The following EIPR1 variants were observed in gnomAD, a reference collection of about 807,000 sequenced individuals.
EIPR1 encodes EARP and GARP complex-interacting protein 1.
EIPR1 carries 25 observed loss-of-function variants against 48.1 expected under a neutral mutation model. That is an observed-to-expected ratio of 0.52 (90% CI 0.38 to 0.73). The LOEUF is 0.73. EIPR1 is among the 30% of genes least tolerant of loss of function. The probability of loss-of-function intolerance (pLI) is 0.00; values close to 1 mark genes in which losing one functional copy is unlikely to be tolerated. For synonymous variants in EIPR1, 204 were observed against 201.9 expected, an observed-to-expected ratio of 1.01 and a Z score of -0.09; for missense variants, 415 against 506.2, an observed-to-expected ratio of 0.82 and a Z score of 1.73.
chr2:3,202,643 G>A (rs1387283410), intron 5 of EIPR1, among the ~76,000 whole-genome samples: 2 of 152,180 alleles, frequency 1.3e-5, no homozygotes, highest in African/African-American at 2.4e-5. Context: ...AGAAGGGGAA[G>A]GCCCGAAATC....
At chr2:3,351,718 T>C (rs998367356) in intron 2 of EIPR1, among the ~76,000 whole-genome samples, 4 of 152,184 alleles carry the variant, frequency 2.6e-5, no homozygotes, top group Non-Finnish European at 5.9e-5. Flanking sequence ...CATACATACA[T>C]ACACATTCGG....
intron 2 of EIPR1, among the ~76,000 whole-genome samples, chr2:3,340,776 A>G (rs1670214707): frequency 1.3e-5 from 2 of 152,320 alleles, no homozygotes; most frequent in South Asian, 4.1e-4. Flanking sequence ...TAGCCAAAGC[A>G]GCAAACAGCT....
rs199633996 is a variant in EIPR1 at position 3,257,267 on chromosome 2, G to A, written c.416+32C>T. 9.8e-5 allele frequency: 157 copies of A among 1,600,668 alleles called. No homozygotes were observed. In the African/African-American group the frequency reaches 1.8e-3, roughly 18 times the overall value. On this transcript the variant is annotated intron_variant, in intron 4 of 8. Coordinates refer to ENST00000382125, the MANE Select transcript of EIPR1 (RefSeq NM_003310.5). ...CTGCACCTGGCCAACCTGCAGGCTC[G>A]TTCTGGGCGCATGAAATATGCAAAA... is the stretch of plus-strand genomic sequence containing the variant.
chr2:3,301,864 G>C (rs10206606), intron 3 of EIPR1, among the ~76,000 whole-genome samples: 1 of 152,030 alleles, frequency 6.6e-6, no homozygotes, highest in Admixed American at 6.5e-5. Flanking sequence ...TCAGGAACAC[G>C]TGGGAATAAA....
At chr2:3,207,170 G>A (rs551435039) in intron 5 of EIPR1, among the ~76,000 whole-genome samples, 13 of 152,200 alleles carry the variant, frequency 8.5e-5, no homozygotes, top group African/African-American at 2.6e-4. Flanking sequence ...CCCACCCACC[G>A]TCCATCTACC....
chr2:3,189,198 C>T lies in EIPR1; in HGVS notation c.*136G>A. 3.2e-6 allele frequency: 3 copies of T among 931,428 alleles called. No homozygotes were observed. Among genetic ancestry groups the T allele is most frequent in the Non-Finnish European group, 4.5e-6 (3 of 660,394 alleles). The allele number at this position is 931,428 out of a possible 1,614,324, so 57.7% of individuals were successfully genotyped here. A position where few individuals can be genotyped will look rare whatever the true frequency, so the allele number is the denominator to read the frequency against. On this transcript the variant is annotated 3_prime_UTR_variant, in exon 9 of 9. Coordinates refer to ENST00000382125, the MANE Select transcript of EIPR1 (RefSeq NM_003310.5). This position sits in a 1 kb window ranked among gnomAD's most constrained non-coding sequence, Gnocchi z 4.6. ...TTCACCCCATTCATAAATGCTGCTGCTACAGGAAGGGAACAGCGGCTCTCC... is the reference window on the plus strand; with the variant it reads ...TTCACCCCATTCATAAATGCTGCTGTTACAGGAAGGGAACAGCGGCTCTCC...
rs969873342 is a variant in EIPR1 at position 3,192,400 on chromosome 2, G to A, written c.989+14C>T. 5 of 1,601,592 alleles carry A rather than the reference G, an allele frequency of 3.1e-6. No homozygotes were observed. The highest frequency in any genetic ancestry group is 4.3e-6 in the Non-Finnish European group (5 of 1,173,842). ...CTGGTACAGCGTGAGCCACTCTGCA[G>A]TGCGTGCCCTTACTTCTCTTCAGAA... is the stretch of plus-strand genomic sequence containing the variant. On this transcript the variant is annotated intron_variant, in intron 8 of 8. Transcript: ENST00000382125.
chr2:3,220,401 A>T (rs1665839045), intron 4 of EIPR1, among the ~76,000 whole-genome samples: 1 of 151,478 alleles, frequency 6.6e-6, no homozygotes, highest in African/African-American at 2.4e-5. Context: ...CAATGGCTGT[A>T]GTACATTCTA....
chr2:3,311,635 G>A lies in EIPR1; in HGVS notation c.259+26382C>T, dbSNP rs528550931. The stretch of plus-strand genomic sequence containing the variant: ...ACTCCTGTCTCACCCACCATCCCTC[G>A]TTCAGAATCAGGAGGGCATGAGGTG... On this transcript the variant is annotated intron_variant, in intron 3 of 8. Coordinates refer to ENST00000382125, the MANE Select transcript of EIPR1 (RefSeq NM_003310.5). 3.9e-4 allele frequency among the ~76,000 whole-genome samples: 59 copies of A among 152,280 alleles called. No homozygotes were observed. The East Asian group carries it at 8.5e-3, about 22-fold the overall frequency.
intron 4 of EIPR1, among the ~76,000 whole-genome samples, chr2:3,219,653 T>C (rs1019544155): frequency 8.3e-6 from 1 of 119,776 alleles, no homozygotes; most frequent in Non-Finnish European, 1.8e-5. Flanking sequence ...GACCCTGGTA[T>C]ATTCTAGAGC....
At chr2:3,206,712 C>G in intron 5 of EIPR1, among the ~76,000 whole-genome samples, 1 of 152,100 alleles carries the variant, frequency 6.6e-6, no homozygotes, top group East Asian at 1.9e-4. Context: ...GTTTTACACA[C>G]TCAAAATTGG....
At chr2:3,315,224 A>C (rs13010426) in intron 3 of EIPR1, among the ~76,000 whole-genome samples, 1 of 39,650 alleles carries the variant, frequency 2.5e-5, no homozygotes, top group Non-Finnish European at 4.4e-5. Context: ...TACCACCACC[A>C]TCACCACCAT....
chr2:3,344,195 C>G (rs1670335130), intron 2 of EIPR1, among the ~76,000 whole-genome samples: 1 of 152,258 alleles, frequency 6.6e-6, no homozygotes, highest in Non-Finnish European at 1.5e-5. Context: ...AGCTCTCACC[C>G]TGACGGCCAC....
At chr2:3,316,951 G>A (rs1458846099) in intron 3 of EIPR1, among the ~76,000 whole-genome samples, 1 of 152,282 alleles carries the variant, frequency 6.6e-6, no homozygotes, top group African/African-American at 2.4e-5. Flanking sequence ...GCATGTGTGA[G>A]CTGAGGATTC....
chr2:3,341,581 G>T (rs1162536639), intron 2 of EIPR1, among the ~76,000 whole-genome samples: 2 of 151,930 alleles, frequency 1.3e-5, no homozygotes, highest in African/African-American at 4.8e-5. Context: ...GCAGGTGCAG[G>T]TGTGTATGTA....
chr2:3,228,562 T>C (rs748685192), intron 4 of EIPR1, among the ~76,000 whole-genome samples: 3 of 152,216 alleles, frequency 2.0e-5, no homozygotes, highest in East Asian at 1.9e-4. Context: ...AAGGTCATGA[T>C]TGTGTTTTGA....
At chr2:3,238,508 TTC>T (rs1666488865) in intron 4 of EIPR1, among the ~76,000 whole-genome samples, 1 of 152,212 alleles carries the variant, frequency 6.6e-6, no homozygotes, top group Non-Finnish European at 1.5e-5. Context: ...CTCACATTCC[TTC>T]TCTCTCAGAT....
chr2:3,376,002 C>G (rs955069260), intron 1 of EIPR1, among the ~76,000 whole-genome samples: 1 of 152,048 alleles, frequency 6.6e-6, no homozygotes. Context: ...AGGCAGGGTG[C>G]GGTGGCTCAT....
intron 4 of EIPR1, among the ~76,000 whole-genome samples, chr2:3,240,467 C>A (rs1245503715): frequency 5.4e-4 from 73 of 134,400 alleles, no homozygotes; most frequent in African/African-American, 1.7e-3. Context: ...GATCCTTCCT[C>A]AAGAAAAGCC....
Sources: allele counts gnomAD v4.1 joint callset (sites outside exome capture counted in the v4.1 genomes callset), GRCh38; gene constraint gnomAD v4.1.1; non-coding constraint Gnocchi (gnomAD v3.1); transcripts MANE v1.5; gene names NCBI Gene and HGNC (gene_info 2026-07-23, HGNC 2026-07-21).